EBF1: variants seen among roughly 807,000 people sequenced by gnomAD.
The protein encoded by EBF1 is transcription factor COE1.
EBF1 carries 10 observed loss-of-function variants against 68.4 expected under a neutral mutation model. That is an observed-to-expected ratio of 0.15 (90% CI 0.09 to 0.25). The LOEUF (loss-of-function observed/expected upper bound fraction) is 0.25, where lower values mean the gene tolerates loss of function less well. EBF1 is among the 10% of genes least tolerant of loss of function. The probability of loss-of-function intolerance (pLI) is 1.00; values close to 1 mark genes in which losing one functional copy is unlikely to be tolerated. For synonymous variants in EBF1, 298 were observed against 299.8 expected (o/e 0.99, Z 0.06); for missense variants, 509 against 794.4 (o/e 0.64, Z 4.32).
At chr5:158,862,935 T>C (rs1212064519) in intron 6 of EBF1, among the ~76,000 whole-genome samples, 1 of 152,228 alleles carries the variant, frequency 6.6e-6, no homozygotes, top group Non-Finnish European at 1.5e-5. Context: ...GACCCTGACT[T>C]TGATTTTGAA....
At chr5:158,753,492 G>T (rs1213845167) in intron 10 of EBF1, among the ~76,000 whole-genome samples, 1 of 152,026 alleles carries the variant, frequency 6.6e-6, no homozygotes, top group African/African-American at 2.4e-5. Flanking sequence ...TTGATTCAAG[G>T]TAGTGGTCTG....
Position 159,047,033 on chromosome 5 carries a change from G to A in EBF1, c.554+26363C>T, listed in dbSNP as rs150669777. Among the ~76,000 whole-genome samples, 503 of 152,256 alleles carry A rather than the reference G, an allele frequency of 3.3e-3. 2 individuals carry two copies. The highest frequency in any genetic ancestry group is 0.011 in the African/African-American group (454 of 41,544). The stretch of plus-strand genomic sequence containing the variant: ...TAACTCATTCAATAGATATTACTGC[G>A]TACCGAGTGTCTGGCACTGTGTTTA... On this transcript the variant is annotated intron_variant, in intron 6 of 15. Transcript: ENST00000313708.
chr5:159,004,033 T>C (rs567360312), intron 6 of EBF1, among the ~76,000 whole-genome samples: 8 of 152,294 alleles, frequency 5.3e-5, no homozygotes, highest in Middle Eastern at 3.4e-3. Context: ...TCCCAGCACA[T>C]TGGGAGGCCA....
chr5:158,699,192 C>A, intron 15 of EBF1, 50 bp from the exon 16 acceptor site: 3 of 1,541,630 alleles, frequency 1.9e-6, no homozygotes, highest in Non-Finnish European at 2.6e-6. Context: ...TCAAACTTCT[C>A]ACTGAGAAAA....
At chr5:159,072,750 G>A (rs929022307) in intron 6 of EBF1, among the ~76,000 whole-genome samples, 7 of 152,230 alleles carry the variant, frequency 4.6e-5, no homozygotes, top group Middle Eastern at 3.4e-3. Context: ...AAATTACACC[G>A]AACAACTAAA....
At chr5:158,758,073 T>A (rs1307827800) in intron 10 of EBF1, among the ~76,000 whole-genome samples, 1 of 152,230 alleles carries the variant, frequency 6.6e-6, no homozygotes, top group Non-Finnish European at 1.5e-5. Context: ...AGTACTTTAC[T>A]CGTATTATTT....
At chr5:158,754,758 A>T (rs1394123917) in intron 10 of EBF1, among the ~76,000 whole-genome samples, 1 of 151,996 alleles carries the variant, frequency 6.6e-6, no homozygotes, top group Non-Finnish European at 1.5e-5. Flanking sequence ...CCTGACAAAG[A>T]CCCCCAAATA....
At chr5:158,767,245 G>T (rs1772906487) in intron 10 of EBF1, among the ~76,000 whole-genome samples, 1 of 152,016 alleles carries the variant, frequency 6.6e-6, no homozygotes, top group Non-Finnish European at 1.5e-5. Flanking sequence ...TGAAATAATG[G>T]ATAATCATTA....
intron 6 of EBF1, among the ~76,000 whole-genome samples, chr5:159,034,250 G>A (rs1481947002): frequency 6.6e-6 from 1 of 152,088 alleles, no homozygotes; most frequent in Non-Finnish European, 1.5e-5. Flanking sequence ...AAAGATACAG[G>A]CCTATTGTGC....
intron 8 of EBF1, 79 bp from the exon 9 acceptor site, chr5:158,796,554 G>GAA: frequency 1.4e-6 from 2 of 1,389,882 alleles, no homozygotes; most frequent in Non-Finnish European, 1.9e-6. Context: ...TGAGAAAAAG[G>GAA]AAAAAAAAAA....
chr5:159,075,924 C>T (rs1008697147), intron 5 of EBF1, among the ~76,000 whole-genome samples: 11 of 152,178 alleles, frequency 7.2e-5, no homozygotes, highest in African/African-American at 2.2e-4. Flanking sequence ...CTCCTCCAAC[C>T]CTTCCCTAGT....
At chr5:159,044,032 G>A (rs1771798608) in intron 6 of EBF1, among the ~76,000 whole-genome samples, 1 of 152,144 alleles carries the variant, frequency 6.6e-6, no homozygotes, top group Non-Finnish European at 1.5e-5. Flanking sequence ...TTTGAGAGAT[G>A]GGAACACTTT....
rs546682339 is a variant in EBF1 at position 159,038,961 on chromosome 5, G to A, written c.554+34435C>T. Among the ~76,000 whole-genome samples, 7 of 152,246 alleles carry A rather than the reference G, an allele frequency of 4.6e-5. No homozygotes were observed. In the South Asian group the frequency reaches 1.5e-3, roughly 32 times the overall value. Reference sequence around the variant, plus strand: ...CAGGATAAACATATGATTCAAAGTGGTGTTTATCTGATGTGTGAGAAGCCT... The same window carrying A: ...CAGGATAAACATATGATTCAAAGTGATGTTTATCTGATGTGTGAGAAGCCT... On this transcript the variant is annotated intron_variant, in intron 6 of 15. Coordinates refer to ENST00000313708, the MANE Select transcript of EBF1 (RefSeq NM_024007.5).
At chr5:158,840,191 G>T in intron 6 of EBF1, 81 bp from the exon 7 acceptor site, 1 of 990,844 alleles carries the variant, frequency 1.0e-6, no homozygotes, top group South Asian at 1.3e-5. Flanking sequence ...CCCCTGGGTT[G>T]TGCATTCGAT....
chr5:159,045,324 A>T (rs907329810), intron 6 of EBF1, among the ~76,000 whole-genome samples: 4 of 152,080 alleles, frequency 2.6e-5, no homozygotes, highest in Non-Finnish European at 5.9e-5. Flanking sequence ...TTGTGCCAAA[A>T]CGCAGAAGAG....
Position 158,784,480 on chromosome 5 carries a change from T to A in EBF1, c.910-6941A>T, listed in dbSNP as rs559477289. 1.3e-4 allele frequency among the ~76,000 whole-genome samples: 20 copies of A among 152,294 alleles called. No homozygotes were observed. In the East Asian group the frequency reaches 3.5e-3, roughly 26 times the overall value. Reference sequence around the variant, plus strand: ...CTTTCCTCACTGGTGAAAGGCAAGCTGAGAATGATTCCCAAGGAAAACAAA... The same window carrying A: ...CTTTCCTCACTGGTGAAAGGCAAGCAGAGAATGATTCCCAAGGAAAACAAA... On this transcript the variant is annotated intron_variant, in intron 9 of 15. Transcript: ENST00000313708.
At chr5:158,731,265 T>C (rs990719934) in intron 10 of EBF1, 108 bp from the exon 11 acceptor site, 1 of 985,564 alleles carries the variant, frequency 1.0e-6, no homozygotes, top group Non-Finnish European at 1.5e-6. Flanking sequence ...GTTTAACTGA[T>C]ACTTTTGAAT....
intron 6 of EBF1, among the ~76,000 whole-genome samples, chr5:158,840,664 T>G (rs12513418): frequency 0.025 from 2,027 of 79,946 alleles, 67 homozygotes; most frequent in African/African-American, 0.09. Context: ...TTTTTTTTTT[T>G]TTTTTTTTGT....
chr5:158,706,580 T>C (rs1757927041), intron 15 of EBF1, among the ~76,000 whole-genome samples: 1 of 152,176 alleles, frequency 6.6e-6, no homozygotes, highest in Non-Finnish European at 1.5e-5. Context: ...GAAATATGCA[T>C]GTACTTGTAC....
Sources: gnomAD v4.1 joint callset for allele counts (sites outside exome capture counted in the v4.1 genomes callset) on GRCh38, gnomAD v4.1.1 for gene constraint, MANE v1.5 for transcripts, NCBI Gene and HGNC (gene_info 2026-07-23, HGNC 2026-07-21) for gene names.